The following PHACTR3 variants were observed in gnomAD, a reference collection of about 807,000 sequenced individuals.
The protein encoded by PHACTR3 is phosphatase and actin regulator 3.
Under a neutral mutation model 66.8 loss-of-function variants are expected in PHACTR3, and 16 were observed. That is an observed-to-expected ratio of 0.24 (90% CI 0.16 to 0.36). The LOEUF (loss-of-function observed/expected upper bound fraction) is 0.36. PHACTR3 is among the 10% of genes least tolerant of loss of function. The pLI, the probability that PHACTR3 is intolerant of heterozygous loss-of-function variation, is 1.00. For synonymous variants in PHACTR3, 323 were observed against 292.1 expected, an observed-to-expected ratio of 1.11 and a Z score of -1.08; for missense variants, 647 against 719.9, an observed-to-expected ratio of 0.90 and a Z score of 1.16.
At chr20:59,743,029 G>A (rs1394423490) in intron 1 of PHACTR3, 78 bp from the exon 2 acceptor site, 11 of 1,501,902 alleles carry the variant, frequency 7.3e-6, no homozygotes, top group East Asian at 2.3e-5. Context: ...CTTAGGGTGA[G>A]AGGTCATCAC....
chr20:59,811,453 G>T (rs568151554), intron 8 of PHACTR3, among the ~76,000 whole-genome samples: 7 of 152,324 alleles, frequency 4.6e-5, no homozygotes, highest in South Asian at 4.1e-4. Flanking sequence ...GAGGTCAGGA[G>T]TTCGAGACCA....
intron 1 of PHACTR3, among the ~76,000 whole-genome samples, chr20:59,734,731 A>AAG (rs1471615481): frequency 6.6e-6 from 1 of 152,048 alleles, no homozygotes; most frequent in East Asian, 1.9e-4. Context: ...AGCCTTAGAG[A>AAG]CTGGGGACCT....
chr20:59,670,605 T>TTGGCG (rs34824435), intron 1 of PHACTR3, among the ~76,000 whole-genome samples: 3 of 47,168 alleles, frequency 6.4e-5, no homozygotes, highest in East Asian at 7.8e-4. Flanking sequence ...CTGCCGGGGG[T>TTGGCG]GGGGGGGGGG....
chr20:59,776,125 A>G (rs191568251), intron 7 of PHACTR3, among the ~76,000 whole-genome samples: 4 of 152,290 alleles, frequency 2.6e-5, no homozygotes, highest in Middle Eastern at 3.4e-3. Flanking sequence ...ATTGGTGAAG[A>G]GGGAGATGGG....
chr20:59,818,392 T>G (rs2041942421), intron 8 of PHACTR3, among the ~76,000 whole-genome samples: 1 of 152,200 alleles, frequency 6.6e-6, no homozygotes, highest in Non-Finnish European at 1.5e-5. Flanking sequence ...AAGGAAGAAA[T>G]CTGAGTTCCA....
intron 11 of PHACTR3, among the ~76,000 whole-genome samples, chr20:59,842,393 A>C (rs2059080102): frequency 1.3e-5 from 2 of 152,136 alleles, no homozygotes; most frequent in African/African-American, 4.8e-5. Context: ...CAACTTGGAG[A>C]AATGTGAACG....
At chr20:59,686,691 GA>G (rs2036883171) in intron 1 of PHACTR3, among the ~76,000 whole-genome samples, 1 of 150,772 alleles carries the variant, frequency 6.6e-6, no homozygotes, top group South Asian at 2.1e-4. Context: ...TGGTGATGAT[GA>G]TGATTGTGAT....
At position 59,840,358 on chromosome 20, in the gene PHACTR3, A is replaced by G; in HGVS notation, c.1385-11A>G. The G allele has an allele frequency of 1.2e-6, 2 of 1,603,398 alleles. No individual in the cohort carries two copies. Among genetic ancestry groups the G allele is most frequent in the Non-Finnish European group, 1.7e-6 (2 of 1,176,502 alleles). ...TTGTTATTTTTTTTTTCCTATTTTA[A>G]TCTTTCACAGAAAGGAATGATCAGA... is the stretch of plus-strand genomic sequence containing the variant. On this transcript the variant is annotated splice_polypyrimidine_tract_variant and intron_variant, in intron 9 of 12. Coordinates refer to ENST00000371015, the MANE Select transcript of PHACTR3 (RefSeq NM_080672.5).
At chr20:59,622,996 A>AAAAAAAAAAC (rs1568940612) in intron 1 of PHACTR3, among the ~76,000 whole-genome samples, 4 of 146,426 alleles carry the variant, frequency 2.7e-5, no homozygotes, top group African/African-American at 1.0e-4. Flanking sequence ...AAAAAAAAAA[A>AAAAAAAAAAC]AAAAACCCAA....
intron 1 of PHACTR3, among the ~76,000 whole-genome samples, chr20:59,685,428 G>A (rs2036826743): frequency 6.6e-6 from 1 of 152,160 alleles, no homozygotes; most frequent in East Asian, 1.9e-4. Context: ...TTTGTGACCT[G>A]GTTCCTCATT....
intron 1 of PHACTR3, among the ~76,000 whole-genome samples, chr20:59,711,258 T>A (rs2037904910): frequency 6.6e-6 from 1 of 152,234 alleles, no homozygotes; most frequent in South Asian, 2.1e-4. Flanking sequence ...TACATTGTTG[T>A]GCGTAAGGCT....
At chr20:59,809,380 A>C (rs1437913303) in intron 8 of PHACTR3, among the ~76,000 whole-genome samples, 1 of 152,116 alleles carries the variant, frequency 6.6e-6, no homozygotes, top group Non-Finnish European at 1.5e-5. Context: ...CATTTCTGCA[A>C]GTCTCAGTGA....
At chr20:59,605,866 G>T (rs1350848523) in intron 1 of PHACTR3, among the ~76,000 whole-genome samples, 10 of 139,868 alleles carry the variant, frequency 7.1e-5, no homozygotes, top group South Asian at 2.6e-4. Context: ...GGTGGGGGGG[G>T]GGGTGGGCTG....
intron 1 of PHACTR3, among the ~76,000 whole-genome samples, chr20:59,740,711 G>A (rs530678121): frequency 1.4e-4 from 22 of 152,296 alleles, no homozygotes; most frequent in South Asian, 2.1e-4. Context: ...CCAAGGGGCC[G>A]GGTGGCTTAC....
intron 1 of PHACTR3, among the ~76,000 whole-genome samples, chr20:59,638,082 A>T (rs1027417052): frequency 6.6e-6 from 1 of 152,136 alleles, no homozygotes; most frequent in Admixed American, 6.5e-5. Flanking sequence ...GCATACTATT[A>T]AATGCTGCCT....
At chr20:59,786,178 G>A (rs111524394) in intron 7 of PHACTR3, among the ~76,000 whole-genome samples, 2,905 of 152,342 alleles carry the variant, frequency 0.019, 89 homozygotes, top group African/African-American at 0.066. Context: ...CCCAGCTTCT[G>A]CGTGTGTGCC....
intron 1 of PHACTR3, among the ~76,000 whole-genome samples, chr20:59,629,879 C>A (rs7266761): frequency 0.051 from 7,696 of 152,312 alleles, 261 homozygotes; most frequent in African/African-American, 0.087. Flanking sequence ...AAGCACCCAA[C>A]TCCCCGTGAT....
At chr20:59,800,071 C>T (rs548801930) in intron 7 of PHACTR3, among the ~76,000 whole-genome samples, 7 of 152,318 alleles carry the variant, frequency 4.6e-5, no homozygotes, top group African/African-American at 1.7e-4. Flanking sequence ...AGTCTCATGA[C>T]CTCACCAGAG....
chr20:59,798,754 C>A (rs572291929), intron 7 of PHACTR3, among the ~76,000 whole-genome samples: 62 of 152,088 alleles, frequency 4.1e-4, no homozygotes, highest in African/African-American at 1.2e-3. Context: ...CTTACCATCT[C>A]TTTTTCCTTC....
Sources: gnomAD v4.1 joint callset for allele counts (sites outside exome capture counted in the v4.1 genomes callset) on GRCh38, gnomAD v4.1.1 for gene constraint, MANE v1.5 for transcripts, NCBI Gene and HGNC (gene_info 2026-07-23, HGNC 2026-07-21) for gene names.